The following DNER variants were observed in gnomAD, a reference collection of about 807,000 sequenced individuals.
The protein encoded by DNER is delta/notch like EGF repeat containing, also known as delta and Notch-like epidermal growth factor-related receptor.
DNER carries 33 observed loss-of-function variants against 78.2 expected under a neutral mutation model. The ratio of observed to expected loss-of-function variants is 0.42; its 90% CI spans 0.32 to 0.56. DNER has a LOEUF of 0.56. DNER is among the 20% of genes least tolerant of loss of function. The pLI is 0.11. For synonymous variants in DNER, 417 were observed against 384.8 expected (o/e 1.08, Z -0.98); for missense variants, 918 against 975.3 (o/e 0.94, Z 0.78).
chr2:229,694,999 GC>G (rs965601260), intron 1 of DNER, among the ~76,000 whole-genome samples: 3 of 151,958 alleles, frequency 2.0e-5, no homozygotes, highest in African/African-American at 7.3e-5. Context: ...TTACGGGAGG[GC>G]CCCCCCTGCT....
chr2:229,378,963 A>G (rs1156482690), intron 11 of DNER, among the ~76,000 whole-genome samples: 1 of 152,226 alleles, frequency 6.6e-6, no homozygotes, highest in Non-Finnish European at 1.5e-5. Flanking sequence ...ATGGTTAGAA[A>G]TATCCAGTGC....
At chr2:229,438,520 C>T (rs961258479) in intron 8 of DNER, among the ~76,000 whole-genome samples, 16 of 152,238 alleles carry the variant, frequency 1.1e-4, no homozygotes, top group East Asian at 7.7e-4. Flanking sequence ...AATACTCCAA[C>T]GGGGGGCAAG....
chr2:229,500,011 G>A (rs1325824293), intron 6 of DNER, among the ~76,000 whole-genome samples: 1 of 150,086 alleles, frequency 6.7e-6, no homozygotes, highest in East Asian at 2.0e-4. Context: ...CTCGGTCACT[G>A]CAACCTCCAC....
At chr2:229,636,752 G>A (rs1698537654) in intron 1 of DNER, among the ~76,000 whole-genome samples, 1 of 152,054 alleles carries the variant, frequency 6.6e-6, no homozygotes, top group African/African-American at 2.4e-5. Flanking sequence ...AGACTCCTTT[G>A]CAGTTGGGTG....
chr2:229,389,295 C>A (rs1214768536), intron 10 of DNER, among the ~76,000 whole-genome samples: 1 of 151,514 alleles, frequency 6.6e-6, no homozygotes, highest in Admixed American at 6.6e-5. Context: ...GATTCAAACA[C>A]CACCTTAGAA....
intron 4 of DNER, among the ~76,000 whole-genome samples, chr2:229,551,856 C>T (rs578048767): frequency 1.1e-4 from 17 of 152,014 alleles, no homozygotes; most frequent in East Asian, 1.9e-4. Context: ...AACTTGAACC[C>T]GGGAGGCGGA....
Position 229,659,076 on chromosome 2 carries a change from G to T in DNER, c.276+55072C>A, listed in dbSNP as rs187260096. ...CAGAATTCTGCAGCACCCAGAACTG[G>T]CAGTCATTGATGAAGAAAACTACAG... On this transcript the variant is annotated intron_variant, in intron 1 of 12. Transcript: ENST00000341772. 4.0e-3 allele frequency among the ~76,000 whole-genome samples: 605 copies of T among 152,208 alleles called. 3 individuals carry two copies. The highest frequency in any genetic ancestry group is 0.013 in the African/African-American group (555 of 41,540).
intron 1 of DNER, among the ~76,000 whole-genome samples, chr2:229,689,297 C>G (rs1699532103): frequency 6.6e-6 from 1 of 152,180 alleles, no homozygotes; most frequent in Non-Finnish European, 1.5e-5. Context: ...GCTGATTTCT[C>G]CCAAAGCTGC....
chr2:229,597,093 A>C (rs977010187), intron 1 of DNER, among the ~76,000 whole-genome samples: 1 of 61,780 alleles, frequency 1.6e-5, no homozygotes, highest in African/African-American at 4.9e-5. Flanking sequence ...GCACACATGC[A>C]CACACACATG....
chr2:229,632,519 G>C (rs1209660946), intron 1 of DNER, among the ~76,000 whole-genome samples: 2 of 152,184 alleles, frequency 1.3e-5, no homozygotes, highest in Non-Finnish European at 2.9e-5. Flanking sequence ...AAATCAAGAT[G>C]CAGATTTCAT....
intron 1 of DNER, among the ~76,000 whole-genome samples, chr2:229,632,406 T>G (rs1032920593): frequency 6.6e-6 from 1 of 152,202 alleles, no homozygotes; most frequent in Non-Finnish European, 1.5e-5. Context: ...AAGCACATCT[T>G]TGTGACTAAA....
At chr2:229,447,681 G>T (rs184114942) in intron 7 of DNER, 141 bp from the exon 8 acceptor site, 2 of 959,862 alleles carry the variant, frequency 2.1e-6, no homozygotes, top group South Asian at 1.7e-5. Flanking sequence ...AACAAGATAG[G>T]TAGGTTGTTT....
intron 10 of DNER, among the ~76,000 whole-genome samples, chr2:229,406,204 A>G (rs894696867): frequency 1.3e-4 from 20 of 152,188 alleles, no homozygotes; most frequent in Non-Finnish European, 2.4e-4. Flanking sequence ...ACAGTGGCTT[A>G]GCAGGGGAGA....
At chr2:229,448,663 T>C (rs2106362776) in intron 7 of DNER, among the ~76,000 whole-genome samples, 1 of 152,356 alleles carries the variant, frequency 6.6e-6, no homozygotes, top group East Asian at 1.9e-4. Context: ...AAATTATACA[T>C]GTGCATATGT....
At chr2:229,556,342 A>G (rs543794767) in intron 4 of DNER, among the ~76,000 whole-genome samples, 1 of 152,366 alleles carries the variant, frequency 6.6e-6, no homozygotes, top group East Asian at 1.9e-4. Flanking sequence ...AAAAGTTTGC[A>G]GGAGCTTTTT....
chr2:229,617,953 A>G (rs1698194332), intron 1 of DNER, among the ~76,000 whole-genome samples: 1 of 152,208 alleles, frequency 6.6e-6, no homozygotes, highest in African/African-American at 2.4e-5. Context: ...GACTGAGTGA[A>G]CACTGTCTCA....
At chr2:229,487,628 CTATA>C (rs1170827842) in intron 6 of DNER, among the ~76,000 whole-genome samples, 8 of 152,280 alleles carry the variant, frequency 5.3e-5, no homozygotes, top group African/African-American at 1.9e-4. Context: ...ATTTATATAA[CTATA>C]TTTATTAGTT....
At chr2:229,656,036 T>C (rs1469391728) in intron 1 of DNER, among the ~76,000 whole-genome samples, 1 of 152,134 alleles carries the variant, frequency 6.6e-6, no homozygotes, top group African/African-American at 2.4e-5. Context: ...CACCCACACC[T>C]TGATGCCTGA....
chr2:229,704,869 C>T (rs1699803729), intron 1 of DNER, among the ~76,000 whole-genome samples: 1 of 152,210 alleles, frequency 6.6e-6, no homozygotes. Context: ...TACAGCTAGT[C>T]AATTGGAAGC....
Sources: gnomAD v4.1 joint callset for allele counts (sites outside exome capture counted in the v4.1 genomes callset) on GRCh38, gnomAD v4.1.1 for gene constraint, MANE v1.5 for transcripts, NCBI Gene and HGNC (gene_info 2026-07-23, HGNC 2026-07-21) for gene names.